The following PYGL variants were observed in gnomAD, a reference collection of about 807,000 sequenced individuals.
The protein encoded by PYGL is glycogen phosphorylase, liver form.
A neutral mutation model predicts 100.1 loss-of-function variants in PYGL; 90 were observed. That is an observed-to-expected ratio of 0.90 (90% CI 0.76 to 1.07). The LOEUF (loss-of-function observed/expected upper bound fraction) is 1.07, where lower values mean the gene tolerates loss of function less well. Among genes scored for constraint, PYGL ranks in the 50% least tolerant of loss-of-function variants. PYGL has a pLI of 0.00. For missense variants in PYGL, 1,016 were observed against 1,057.6 expected (o/e 0.96, Z 0.55); for synonymous variants, 373 against 393.0 (o/e 0.95, Z 0.60).
At chr14:50,915,178 C>CTTTTTT (rs71121612) in intron 11 of PYGL, 158 bp downstream of exon 11, 3 of 791,562 alleles carry the variant, frequency 3.8e-6, no homozygotes, top group South Asian at 1.8e-5. Context: ...CTTTTCTTTT[C>CTTTTTT]TTTTTTTTTT....
In PYGL at chr14:50,905,509, C is replaced by T. The variant is rs774934827; in HGVS notation, c.2427G>A (p.Ser809=). 2.0e-5 allele frequency: 32 copies of T among 1,613,920 alleles called. No homozygotes were observed. Among genetic ancestry groups the T allele is most frequent in the Middle Eastern group, 1.6e-4 (1 of 6,062 alleles). The stretch of plus-strand genomic sequence containing the variant: ...TTGTTCGGTCACTGGAGAATTTCCC[C>T]GAGGCAGCTATGTTTTTGAGTACCA... ...NTMVLKNIAA[S]GKFSSDRTIK... is the part of the protein sequence containing the mutation. Residue 809 remains serine (S), a synonymous_variant, in exon 20 of 20, where the codon TCG becomes TCA. Transcript: ENST00000216392.
At chr14:50,932,179 C>T (rs967979748) in intron 3 of PYGL, among the ~76,000 whole-genome samples, 1 of 152,184 alleles carries the variant, frequency 6.6e-6, no homozygotes, top group African/African-American at 2.4e-5. Flanking sequence ...CTGGAAAAGA[C>T]AGTCCCAGGA....
intron 19 of PYGL, among the ~76,000 whole-genome samples, chr14:50,906,656 C>T (rs1030245412): frequency 6.6e-6 from 1 of 152,192 alleles, no homozygotes; most frequent in Admixed American, 6.5e-5. Flanking sequence ...ATTTTTCTTT[C>T]CTGTGCTGTT....
chr14:50,937,637 T>C (rs1029532001), intron 2 of PYGL, 99 bp downstream of exon 2: 4 of 1,199,312 alleles, frequency 3.3e-6, no homozygotes, highest in Non-Finnish European at 5.0e-6. Flanking sequence ...GATTTTTCAC[T>C]CTTATTTTAC....
chr14:50,908,797 C>T, intron 18 of PYGL, 24 bp downstream of exon 18: 2 of 1,541,216 alleles, frequency 1.3e-6, no homozygotes, highest in East Asian at 2.2e-5. Context: ...ATCCAAATAG[C>T]ACCATCTTCT....
intron 1 of PYGL, among the ~76,000 whole-genome samples, chr14:50,940,214 C>G (rs965819916): frequency 2.0e-5 from 3 of 152,184 alleles, no homozygotes; most frequent in African/African-American, 7.2e-5. Flanking sequence ...ATAGTATTAC[C>G]CAGTTTAAAA....
intron 1 of PYGL, among the ~76,000 whole-genome samples, chr14:50,942,162 G>A (rs1385793893): frequency 6.6e-6 from 1 of 151,930 alleles, no homozygotes; most frequent in Non-Finnish European, 1.5e-5. Context: ...CGACTGTGAT[G>A]GAGTAGATAT....
chr14:50,908,925 A>C lies in PYGL; in HGVS notation c.2208T>G (p.Leu736=). ...GYEAKEYYEA[L]PELKLVIDQI... ...GATCAATGACCAGCTTCAGCTCTGG[A>C]AGTGCCTCATAGTATTCTTTTGCCT... Residue 736 remains leucine (L), a synonymous_variant, in exon 18 of 20, where the codon CTT becomes CTG. Coordinates refer to ENST00000216392, the MANE Select transcript of PYGL (RefSeq NM_002863.5). The C allele has an allele frequency of 6.2e-7, 1 of 1,603,680 alleles. No homozygotes were observed. Among genetic ancestry groups the C allele is most frequent in the South Asian group, 1.1e-5 (1 of 90,856 alleles).
intron 2 of PYGL, among the ~76,000 whole-genome samples, chr14:50,936,402 G>A (rs2050653437): frequency 1.3e-5 from 2 of 152,198 alleles, no homozygotes; most frequent in Non-Finnish European, 2.9e-5. Flanking sequence ...TCTGTTCAGT[G>A]TTAAAGGGCC....
rs1158799368 is a variant in PYGL at position 50,915,969 on chromosome 14, T to C, written c.1095A>G (p.Ala365=). The C allele has an allele frequency of 4.9e-5, 79 of 1,613,890 alleles. No individual in the cohort carries two copies. The highest frequency in any genetic ancestry group is 5.8e-5 in the Non-Finnish European group (68 of 1,179,966). The part of the protein sequence containing the change: ...VDIEKLPWSK[A]WELTQKTFAY... ...CGAAGGTCTTCTGGGTGAGCTCCCA[T>C]GCCTGGGGGAAAGGAAGGAGTCAGC... Residue 365 remains alanine, a splice_region_variant and synonymous_variant, in exon 10 of 20, where the codon GCA becomes GCG. Coordinates refer to ENST00000216392, the MANE Select transcript of PYGL (RefSeq NM_002863.5).
intron 13 of PYGL, 135 bp downstream of exon 13, chr14:50,912,894 C>T: frequency 2.7e-6 from 2 of 748,204 alleles, no homozygotes; most frequent in Non-Finnish European, 2.2e-6. Flanking sequence ...GCGGAGGTTG[C>T]AGTGAGCCGA....
In PYGL at chr14:50,905,396, T is replaced by A. The variant is rs147863207; in HGVS notation, c.2540A>T (p.Asn847Ile). 56 of 1,612,002 alleles carry A rather than the reference T, an allele frequency of 3.5e-5. 1 individual carries two copies. In the Middle Eastern group the frequency reaches 8.3e-4, roughly 24 times the overall value. Residue 847 changes from asparagine (N) to isoleucine (I), a missense_variant, in exon 20 of 20, where the codon AAT becomes ATT. Transcript: ENST00000216392. ...LSNESNKVNG[N>I] is the part of the protein sequence containing the mutation. ...TTCTAGAGACAATTCTAGAGTTCAA[T>A]TTCCATTGACTTTGTTAGATTCATT...
intron 7 of PYGL, among the ~76,000 whole-genome samples, 166 bp from the exon 8 acceptor site, chr14:50,917,271 C>T (rs1043324423): frequency 2.6e-5 from 4 of 152,022 alleles, no homozygotes; most frequent in Admixed American, 1.3e-4. Flanking sequence ...TCCTGAGACC[C>T]CATGAAAATG....
At position 50,908,349 on chromosome 14, in the gene PYGL, TGA is replaced by T; in HGVS notation, c.2313-14_2313-13del. On this transcript the variant is annotated splice_polypyrimidine_tract_variant and intron_variant, in intron 18 of 19. Coordinates refer to ENST00000216392, the MANE Select transcript of PYGL (RefSeq NM_002863.5). ...CAAAGACTTTAAACCTTTTATTTTGTGAGTGGAAGAGGAAAAAAACAGTCAAA... is the reference window on the plus strand; with the variant it reads ...CAAAGACTTTAAACCTTTTATTTTGTGTGGAAGAGGAAAAAAACAGTCAAA... 1 of 1,578,756 alleles carries T rather than the reference TGA, an allele frequency of 6.3e-7. No homozygotes were observed. Among genetic ancestry groups the T allele is most frequent in the Non-Finnish European group, 8.7e-7 (1 of 1,147,834 alleles).
intron 1 of PYGL, among the ~76,000 whole-genome samples, chr14:50,941,334 A>G (rs2050700066): frequency 7.0e-6 from 1 of 143,882 alleles, no homozygotes; most frequent in Non-Finnish European, 1.5e-5. Context: ...GTCTTGGCCA[A>G]CAAAGTATGT....
intron 1 of PYGL, among the ~76,000 whole-genome samples, chr14:50,941,433 G>C (rs554608712): frequency 1.3e-5 from 2 of 152,324 alleles, no homozygotes; most frequent in South Asian, 4.1e-4. Context: ...CAAATGGGTA[G>C]CTAGAGCCTC....
intron 13 of PYGL, 59 bp downstream of exon 13, chr14:50,912,969 AC>A: frequency 2.7e-6 from 4 of 1,507,600 alleles, no homozygotes; most frequent in Non-Finnish European, 3.7e-6. Flanking sequence ...ATAAACAAAA[AC>A]TACAGGATAA....
chr14:50,944,155 G>T lies in PYGL; in HGVS notation c.243+6C>A, dbSNP rs778104154. The T allele has an allele frequency of 6.2e-7, 1 of 1,600,682 alleles. No homozygotes were observed. Among genetic ancestry groups the T allele is most frequent in the Non-Finnish European group, 8.5e-7 (1 of 1,177,572 alleles). Reference sequence around the variant, plus strand: ...GACCCCGGCCCGCCGTCCCGCCCCCGGTTACCTTGGGGCACTTGTCGTAGT... The same window carrying T: ...GACCCCGGCCCGCCGTCCCGCCCCCTGTTACCTTGGGGCACTTGTCGTAGT... On this transcript the variant is annotated splice_donor_region_variant and intron_variant, in intron 1 of 19. Transcript: ENST00000216392.
At chr14:50,913,206 T>C (rs1376407722) in intron 12 of PYGL, 76 bp from the exon 13 acceptor site, 14 of 1,216,568 alleles carry the variant, frequency 1.2e-5, no homozygotes, top group Non-Finnish European at 1.7e-5. Context: ...CTGTCAGTAT[T>C]TCTCTCTGTC....
Sources: gnomAD v4.1 joint callset for allele counts (sites outside exome capture counted in the v4.1 genomes callset) on GRCh38, gnomAD v4.1.1 for gene constraint, MANE v1.5 for transcripts, NCBI Gene and HGNC (gene_info 2026-07-23, HGNC 2026-07-21) for gene names.